Variants in GPD1L observed in about 807,000 individuals in gnomAD.
The protein encoded by GPD1L is glycerol-3-phosphate dehydrogenase 1-like protein.
In GPD1L, 17 loss-of-function variants were observed where a neutral mutation model predicts 32.9. The observed-to-expected ratio is 0.52, with a 90% CI of 0.35 to 0.78. The LOEUF is 0.78. GPD1L is among the 30% of genes least tolerant of loss of function. GPD1L has a pLI of 0.01. For synonymous variants in GPD1L, 187 were observed against 165.9 expected, an observed-to-expected ratio of 1.13 and a Z score of -0.98; for missense variants, 361 against 447.8, an observed-to-expected ratio of 0.81 and a Z score of 1.75.
At chr3:32,142,556 G>A (rs1700760116) in intron 4 of GPD1L, among the ~76,000 whole-genome samples, 1 of 152,050 alleles carries the variant, frequency 6.6e-6, no homozygotes, top group African/African-American at 2.4e-5. Context: ...TTATTTATCT[G>A]CAGTTTTAAT....
chr3:32,161,829 G>A (rs1701077320), intron 7 of GPD1L, among the ~76,000 whole-genome samples: 1 of 152,210 alleles, frequency 6.6e-6, no homozygotes, highest in Admixed American at 6.5e-5. Flanking sequence ...ATCGCTGCTG[G>A]ATTGGACGTG....
At chr3:32,147,766 T>C (rs562447942) in intron 5 of GPD1L, among the ~76,000 whole-genome samples, 2 of 152,334 alleles carry the variant, frequency 1.3e-5, no homozygotes, top group East Asian at 1.9e-4. Context: ...CCTGTCTTTA[T>C]TGGATGGGAG....
intron 2 of GPD1L, among the ~76,000 whole-genome samples, chr3:32,132,522 C>T (rs1700600211): frequency 6.6e-6 from 1 of 152,206 alleles, no homozygotes; most frequent in Non-Finnish European, 1.5e-5. Flanking sequence ...ATTAAAATAT[C>T]AGTTCAGTGC....
chr3:32,133,942 C>G (rs1370286660), intron 2 of GPD1L, among the ~76,000 whole-genome samples: 1 of 152,340 alleles, frequency 6.6e-6, no homozygotes, highest in South Asian at 2.1e-4. Context: ...ACTAAGAGCA[C>G]TGGGCTCCTG....
intron 5 of GPD1L, among the ~76,000 whole-genome samples, chr3:32,150,668 G>T (rs1700906756): frequency 6.6e-6 from 1 of 152,080 alleles, no homozygotes; most frequent in African/African-American, 2.4e-5. Context: ...TGTATTTTTA[G>T]TAGAGATAGG....
chr3:32,154,663 GT>G (rs1700962829), intron 5 of GPD1L, among the ~76,000 whole-genome samples: 1 of 152,098 alleles, frequency 6.6e-6, no homozygotes, highest in South Asian at 2.1e-4. Flanking sequence ...ATGTTGTGAG[GT>G]TTAAATGAGG....
At position 32,167,728 on chromosome 3, in the gene GPD1L, TGTCCCTC is replaced by T. The variant is rs1400366570; in HGVS notation, c.*1819_*1825del. ...TAAGTTACTTTGTGAGATTTGGGCC[TGTCCCTC>T]AATGCCAGTTTAGGATTTCTTTTTT... On this transcript the variant is annotated 3_prime_UTR_variant, in exon 8 of 8. Coordinates refer to ENST00000282541, the MANE Select transcript of GPD1L (RefSeq NM_015141.4). 3 of 152,612 alleles carry T rather than the reference TGTCCCTC, an allele frequency of 2.0e-5. No individual in the cohort carries two copies. Among genetic ancestry groups the T allele is most frequent in the Non-Finnish European group, 2.9e-5 (2 of 68,040 alleles). The allele number at this position is 152,612 out of a possible 1,614,324, so 9.5% of individuals were successfully genotyped here. A position where few individuals can be genotyped will look rare whatever the true frequency, so the allele number is the denominator to read the frequency against.
At position 32,106,649 on chromosome 3, in the gene GPD1L, A is replaced by C. The variant is rs536221148; in HGVS notation, c.-63A>C. 1 of 1,443,202 alleles carries C rather than the reference A, an allele frequency of 6.9e-7. No homozygotes were observed. The highest frequency in any genetic ancestry group is 2.8e-5 in the East Asian group (1 of 35,588). 89.4% of individuals were successfully genotyped at this position (1,443,202 alleles called of 1,614,324 possible). On this transcript the variant is annotated 5_prime_UTR_variant, in exon 1 of 8. Transcript: ENST00000282541. This position sits in a 1 kb window ranked among gnomAD's most constrained non-coding sequence, Gnocchi z 4.0. ...CCGCCAGCCGCTGCGGGCAAGGCTGAACAGGCGGAGGTGGGCAGCCGGCCA... is the reference window on the plus strand; with the variant it reads ...CCGCCAGCCGCTGCGGGCAAGGCTGCACAGGCGGAGGTGGGCAGCCGGCCA...
intron 1 of GPD1L, among the ~76,000 whole-genome samples, chr3:32,127,172 A>T (rs1409910997): frequency 6.6e-6 from 1 of 152,126 alleles, no homozygotes; most frequent in African/African-American, 2.4e-5. Flanking sequence ...TCTTGAGAAT[A>T]ATTGTGAGAA....
intron 1 of GPD1L, among the ~76,000 whole-genome samples, chr3:32,108,472 A>T (rs984496673): frequency 1.3e-5 from 2 of 152,252 alleles, no homozygotes; most frequent in Admixed American, 1.3e-4. Context: ...AGATTGCACC[A>T]TCGTACTCTA....
intron 2 of GPD1L, among the ~76,000 whole-genome samples, chr3:32,132,968 T>G (rs1700607814): frequency 1.3e-5 from 2 of 152,210 alleles, no homozygotes; most frequent in African/African-American, 4.8e-5. Context: ...TCACCTGAGA[T>G]CTTGGCTGCA....
intron 1 of GPD1L, among the ~76,000 whole-genome samples, chr3:32,118,134 T>C (rs1214135861): frequency 1.3e-5 from 2 of 152,234 alleles, no homozygotes; most frequent in African/African-American, 2.4e-5. Context: ...TAACAGGCCT[T>C]GGGACTTGCT....
chr3:32,132,977 C>T (rs73824550), intron 2 of GPD1L, among the ~76,000 whole-genome samples: 10,225 of 152,210 alleles, frequency 0.067, 372 homozygotes, highest in Middle Eastern at 0.11. Context: ...ATCTTGGCTG[C>T]AAGTGAGATG....
At chr3:32,144,846 C>G (rs567614496) in intron 4 of GPD1L, among the ~76,000 whole-genome samples, 1 of 151,574 alleles carries the variant, frequency 6.6e-6, no homozygotes, top group Admixed American at 6.6e-5. Context: ...CACACACACA[C>G]ACACACACCA....
At chr3:32,146,814 C>G in intron 5 of GPD1L, 80 bp downstream of exon 5, 1 of 826,868 alleles carries the variant, frequency 1.2e-6, no homozygotes, top group Non-Finnish European at 2.1e-6. Flanking sequence ...AGAATGGGCT[C>G]TGTGTTCTGT....
At chr3:32,162,979 G>A (rs1182551239) in intron 7 of GPD1L, among the ~76,000 whole-genome samples, 6 of 151,482 alleles carry the variant, frequency 4.0e-5, no homozygotes, top group African/African-American at 7.3e-5. Context: ...GGCTGGTCTC[G>A]AACTCCTGGC....
In GPD1L at chr3:32,147,459, G is replaced by A. The variant is rs556903998; in HGVS notation, c.618+725G>A. ...GGTAAAGGGAGGTCTCCACACCTGG[G>A]CTCCTGACTTGTTGGCTGCTGTCTT... On this transcript the variant is annotated intron_variant, in intron 5 of 7. Coordinates refer to ENST00000282541, the MANE Select transcript of GPD1L (RefSeq NM_015141.4). Among the ~76,000 whole-genome samples, 16 of 152,230 alleles carry A rather than the reference G, an allele frequency of 1.1e-4. No homozygotes were observed. In the East Asian group the frequency reaches 2.9e-3, roughly 28 times the overall value.
chr3:32,117,325 A>T (rs1015118429), intron 1 of GPD1L, among the ~76,000 whole-genome samples: 5 of 152,206 alleles, frequency 3.3e-5, no homozygotes, highest in African/African-American at 1.2e-4. Flanking sequence ...TTTAGTCATG[A>T]TTTCTTATTT....
intron 1 of GPD1L, among the ~76,000 whole-genome samples, chr3:32,121,647 ATATATATATTTC>A (rs1478058021): frequency 2.9e-5 from 3 of 103,628 alleles, no homozygotes; most frequent in Admixed American, 9.8e-5. Context: ...TATATATATA[ATATATATATTTC>A]TATATATATT....
Sources: gnomAD v4.1 joint callset for allele counts (sites outside exome capture counted in the v4.1 genomes callset) on GRCh38, gnomAD v4.1.1 for gene constraint, Gnocchi (gnomAD v3.1) non-coding constraint, MANE v1.5 for transcripts, NCBI Gene and HGNC (gene_info 2026-07-23, HGNC 2026-07-21) for gene names.